Variants in HS2ST1 observed in about 807,000 individuals in gnomAD.
The protein encoded by HS2ST1 is heparan sulfate 2-O-sulfotransferase 1, also known as 2-O-sulfotransferase.
A neutral mutation model predicts 42.9 loss-of-function variants in HS2ST1; 18 were observed. The observed-to-expected ratio is 0.42, with a 90% CI of 0.29 to 0.62. The LOEUF (loss-of-function observed/expected upper bound fraction) is 0.62, where lower values mean the gene tolerates loss of function less well. Ranked by LOEUF, HS2ST1 falls within the 20% of genes least tolerant of loss-of-function variation. The pLI is 0.21. For synonymous variants in HS2ST1, 146 were observed against 152.9 expected, an observed-to-expected ratio of 0.95 and a Z score of 0.33; for missense variants, 334 against 433.8, an observed-to-expected ratio of 0.77 and a Z score of 2.04.
intron 1 of HS2ST1, among the ~76,000 whole-genome samples, chr1:86,963,581 G>A (rs1365430879): frequency 6.6e-6 from 1 of 152,178 alleles, no homozygotes; most frequent in African/African-American, 2.4e-5. Flanking sequence ...GCAATAATCT[G>A]ATTTCTCTAT....
chr1:86,930,053 A>AGT, intron 1 of HS2ST1, among the ~76,000 whole-genome samples: 1 of 151,874 alleles, frequency 6.6e-6, no homozygotes, highest in Non-Finnish European at 1.5e-5. Context: ...GGTAGACTGA[A>AGT]ATGGTGGACT....
chr1:87,054,892 G>A (rs1197795913), intron 1 of HS2ST1, among the ~76,000 whole-genome samples: 2 of 152,178 alleles, frequency 1.3e-5, no homozygotes, highest in African/African-American at 4.8e-5. Context: ...TAAACTTCTT[G>A]TGTAGTAAAC....
intron 1 of HS2ST1, among the ~76,000 whole-genome samples, chr1:87,007,908 GTAAAA>G (rs1250675850): frequency 1.3e-5 from 2 of 151,902 alleles, no homozygotes; most frequent in Non-Finnish European, 2.9e-5. Flanking sequence ...TTAGTTTTCA[GTAAAA>G]TAAAATGGTA....
At chr1:87,011,021 G>T (rs1422063689) in intron 1 of HS2ST1, among the ~76,000 whole-genome samples, 2 of 152,042 alleles carry the variant, frequency 1.3e-5, no homozygotes, top group Admixed American at 1.3e-4. Context: ...ACTGGCCTCA[G>T]GTGATCGGCC....
chr1:87,011,611 TTTAA>T (rs1429042132), intron 1 of HS2ST1, among the ~76,000 whole-genome samples: 15 of 152,344 alleles, frequency 9.8e-5, no homozygotes, highest in African/African-American at 2.9e-4. Context: ...CTTTTCATTC[TTTAA>T]TTAACTCATC....
intron 1 of HS2ST1, among the ~76,000 whole-genome samples, chr1:87,051,120 T>C (rs777758870): frequency 6.6e-5 from 10 of 152,164 alleles, no homozygotes; most frequent in Non-Finnish European, 1.2e-4. Context: ...GTCTGCTGTA[T>C]ACTGGGTAAT....
chr1:87,023,081 C>A (rs1329355279), intron 1 of HS2ST1, among the ~76,000 whole-genome samples: 1 of 152,086 alleles, frequency 6.6e-6, no homozygotes, highest in Non-Finnish European at 1.5e-5. Context: ...TGTGTTATGT[C>A]CAAATTGTTC....
At chr1:87,098,356 A>G in intron 5 of HS2ST1, 1 of 981,926 alleles carries the variant, frequency 1.0e-6, no homozygotes, top group Non-Finnish European at 1.2e-6. Flanking sequence ...TGACTTTAAG[A>G]GAAGCCAAGG....
intron 1 of HS2ST1, among the ~76,000 whole-genome samples, chr1:87,042,032 A>T (rs1216289935): frequency 6.6e-6 from 1 of 152,008 alleles, no homozygotes; most frequent in Admixed American, 6.6e-5. Context: ...TTTTAAAAGC[A>T]TTTTCCTTAT....
rs1415045526 is a variant in HS2ST1, at chr1:87,084,216, C to G, written c.386C>G (p.Thr129Ser). The change falls in exon 3 of 7, where the codon ACT becomes AGT. Residue 129 changes from threonine to serine, a missense_variant. Physicochemically the swap from Thr to Ser is moderately conservative, Grantham distance 58 (BLOSUM62 1). Coordinates refer to ENST00000370550, the MANE Select transcript of HS2ST1 (RefSeq NM_012262.4). ...TAGGTGCGCTTTGTAAAGAATATAACTTCCTGGAAAGAGATGAAACCAGGA... is the reference window on the plus strand; with the variant it reads ...TAGGTGCGCTTTGTAAAGAATATAAGTTCCTGGAAAGAGATGAAACCAGGA... ...QDQVRFVKNI[T>S]SWKEMKPGFY... 10 of 1,603,360 alleles carry G rather than the reference C, an allele frequency of 6.2e-6. No homozygotes were observed. The highest frequency in any genetic ancestry group is 8.5e-6 in the Non-Finnish European group (10 of 1,174,728).
In HS2ST1 at chr1:87,109,264, C is replaced by T. The variant is rs1652412830; in HGVS notation, c.*4568C>T. On this transcript the variant is annotated 3_prime_UTR_variant, in exon 7 of 7. Coordinates refer to ENST00000370550, the MANE Select transcript of HS2ST1 (RefSeq NM_012262.4). ...TCCAAGCTGACTCAGTGTTCAGTGTCAACTTAACTCTCAGATAGTGTTGCC... is the reference window on the plus strand; with the variant it reads ...TCCAAGCTGACTCAGTGTTCAGTGTTAACTTAACTCTCAGATAGTGTTGCC... 6.6e-6 allele frequency: 1 copy of T among 152,322 alleles called. No homozygotes were observed. Among genetic ancestry groups the T allele is most frequent in the Non-Finnish European group, 1.5e-5 (1 of 67,972 alleles). The allele number at this position is 152,322 out of a possible 1,614,324, so 9.4% of individuals were successfully genotyped here. A position where few individuals can be genotyped will look rare whatever the true frequency, so the allele number is the denominator to read the frequency against.
chr1:86,914,923 C>T lies in HS2ST1; in HGVS notation c.-114C>T. On this transcript the variant is annotated 5_prime_UTR_variant, in exon 1 of 7. Coordinates refer to ENST00000370550, the MANE Select transcript of HS2ST1 (RefSeq NM_012262.4). ...GTCGCTGCGGTGGTTCTCTCGCTGT[C>T]GCTCTCTCTTTGCCTCGCTCCCGGC... 7.5e-7 allele frequency: 1 copy of T among 1,335,700 alleles called. No homozygotes were observed. The highest frequency in any genetic ancestry group is 1.0e-6 in the Non-Finnish European group (1 of 958,066). The allele number at this position is 1,335,700 out of a possible 1,614,324, so 82.7% of individuals were successfully genotyped here.
intron 1 of HS2ST1, among the ~76,000 whole-genome samples, chr1:87,011,197 C>T (rs1649589563): frequency 1.3e-5 from 2 of 152,082 alleles, no homozygotes; most frequent in Admixed American, 1.3e-4. Context: ...CCGTCAGTTC[C>T]ATTATGTTTT....
chr1:86,977,782 C>T (rs972277169), intron 1 of HS2ST1, among the ~76,000 whole-genome samples: 1 of 152,120 alleles, frequency 6.6e-6, no homozygotes, highest in Admixed American at 6.6e-5. Context: ...AGTACATTAG[C>T]TGAAGGTAAC....
At chr1:86,948,475 G>A (rs983658010) in intron 1 of HS2ST1, among the ~76,000 whole-genome samples, 2 of 152,104 alleles carry the variant, frequency 1.3e-5, no homozygotes, top group South Asian at 2.1e-4. Context: ...AAAGCATAGC[G>A]TTCATTCATG....
intron 1 of HS2ST1, among the ~76,000 whole-genome samples, chr1:86,988,921 C>T (rs546586335): frequency 2.6e-5 from 4 of 152,304 alleles, no homozygotes; most frequent in East Asian, 3.9e-4. Context: ...AAATGCAGTG[C>T]GATTGGAATA....
At chr1:86,991,811 T>A (rs76345135) in intron 1 of HS2ST1, among the ~76,000 whole-genome samples, 3,575 of 152,312 alleles carry the variant, frequency 0.023, 71 homozygotes, top group African/African-American at 0.049. Context: ...GGCTCTTTAC[T>A]ACTCACATTA....
chr1:86,997,566 G>A (rs1339929087), intron 1 of HS2ST1, among the ~76,000 whole-genome samples: 1 of 152,142 alleles, frequency 6.6e-6, no homozygotes, highest in African/African-American at 2.4e-5. Flanking sequence ...ATCTTATATG[G>A]AGGAGTAAGG....
intron 1 of HS2ST1, among the ~76,000 whole-genome samples, chr1:86,970,240 A>G (rs1447919789): frequency 2.6e-5 from 4 of 152,160 alleles, no homozygotes; most frequent in Admixed American, 1.3e-4. Context: ...TACAAGTAAT[A>G]ATGTATTAAT....
Sources: gnomAD v4.1 joint callset for allele counts (sites outside exome capture counted in the v4.1 genomes callset) on GRCh38, gnomAD v4.1.1 for gene constraint, MANE v1.5 for transcripts, NCBI Gene and HGNC (gene_info 2026-07-23, HGNC 2026-07-21) for gene names.